Variants in KCNN2 observed in about 807,000 individuals in gnomAD.
The protein encoded by KCNN2 is small conductance calcium-activated potassium channel protein 2.
In KCNN2, 24 loss-of-function variants were observed where a neutral mutation model predicts 55.5. The ratio of observed to expected loss-of-function variants is 0.43; its 90% CI spans 0.31 to 0.61. KCNN2 has a LOEUF of 0.61. Ranked by LOEUF, KCNN2 falls within the 20% of genes least tolerant of loss-of-function variation. KCNN2 has a pLI of 0.08. For synonymous variants in KCNN2, 431 were observed against 336.1 expected (o/e 1.28, Z -3.09); for missense variants, 754 against 853.6 (o/e 0.88, Z 1.45).
chr5:114,076,804 C>T (rs990326453), intron 1 of KCNN2, among the ~76,000 whole-genome samples: 1 of 152,164 alleles, frequency 6.6e-6, no homozygotes, highest in Admixed American at 6.5e-5. Context: ...AGCGATTCTC[C>T]TGCCTCAGCC....
intron 1 of KCNN2, among the ~76,000 whole-genome samples, chr5:114,110,360 A>G (rs1005117830): frequency 1.3e-5 from 2 of 152,080 alleles, no homozygotes; most frequent in Non-Finnish European, 2.9e-5. Flanking sequence ...CATAGATCTC[A>G]GGACTAAGGT....
At chr5:114,158,478 C>A (rs1183743122) in intron 1 of KCNN2, among the ~76,000 whole-genome samples, 2 of 152,048 alleles carry the variant, frequency 1.3e-5, no homozygotes, top group Non-Finnish European at 2.9e-5. Context: ...ATTGACTTGG[C>A]AATGCAGGCT....
chr5:114,456,698 A>G (rs1760941550), intron 3 of KCNN2, among the ~76,000 whole-genome samples: 1 of 152,272 alleles, frequency 6.6e-6, no homozygotes, highest in Non-Finnish European at 1.5e-5. Context: ...AGGTCAAAAT[A>G]GCAACATTAA....
chr5:114,072,478 A>G (rs1561463358), intron 1 of KCNN2, among the ~76,000 whole-genome samples: 1 of 152,144 alleles, frequency 6.6e-6, no homozygotes, highest in Admixed American at 6.6e-5. Context: ...AATAGACGTT[A>G]TTAGCATATA....
rs1356673882 is a variant in KCNN2 at position 114,272,403 on chromosome 5, ATGT to A, written c.-185+50839_-185+50841del. Reference sequence around the variant, plus strand: ...TGTACATATATACACACATATATGTATGTACATATCTACACACATATGTACGTA... The same window carrying A: ...TGTACATATATACACACATATATGTAACATATCTACACACATATGTACGTA... On this transcript the variant is annotated intron_variant, in intron 2 of 10. Coordinates refer to the KCNN2 transcript ENST00000512097. 3.9e-3 allele frequency among the ~76,000 whole-genome samples: 128 copies of A among 32,936 alleles called. 1 individual carries two copies. The highest frequency in any genetic ancestry group is 1.1e-3 in the Non-Finnish European group (13 of 12,020). 21.6% of individuals were successfully genotyped at this position (32,936 alleles called of 152,430 possible).
At position 114,079,698 on chromosome 5, in the gene KCNN2, G is replaced by A. The variant is rs1239743179; in HGVS notation, c.-271+23198G>A. On this transcript the variant is annotated intron_variant, in intron 1 of 10. Coordinates refer to the KCNN2 transcript ENST00000512097. ...TTGCCTTGGTGTCTGGCACATAGTA[G>A]GCACTTAGTAAGTGTTTAGGAAGTG... 4.6e-5 allele frequency among the ~76,000 whole-genome samples: 7 copies of A among 152,188 alleles called. No homozygotes were observed. The South Asian group carries it at 1.5e-3, about 32-fold the overall frequency.
intron 3 of KCNN2, among the ~76,000 whole-genome samples, chr5:114,418,803 G>C (rs1470151387): frequency 6.6e-6 from 1 of 152,154 alleles, no homozygotes; most frequent in Non-Finnish European, 1.5e-5. Context: ...TAGGAACAGC[G>C]ATCTAGAATT....
chr5:114,457,038 G>A (rs1009863280), intron 3 of KCNN2, among the ~76,000 whole-genome samples: 1 of 152,188 alleles, frequency 6.6e-6, no homozygotes, highest in African/African-American at 2.4e-5. Flanking sequence ...GTCACGGTTT[G>A]GGAGGATTGA....
intron 2 of KCNN2, among the ~76,000 whole-genome samples, chr5:114,224,812 T>C (rs1400867412): frequency 1.3e-5 from 2 of 152,104 alleles, no homozygotes; most frequent in Non-Finnish European, 2.9e-5. Context: ...AGGCTTTGAG[T>C]CCTGATGAGT....
chr5:114,184,377 A>G (rs1192962131), intron 1 of KCNN2, among the ~76,000 whole-genome samples: 1 of 152,212 alleles, frequency 6.6e-6, no homozygotes, highest in African/African-American at 2.4e-5. Context: ...GGGGAAATAA[A>G]GTGACTTAAA....
intron 2 of KCNN2, among the ~76,000 whole-genome samples, chr5:114,265,916 T>C (rs539966680): frequency 6.8e-4 from 103 of 152,224 alleles, no homozygotes; most frequent in Admixed American, 2.1e-3. Flanking sequence ...TTTGGAGAGA[T>C]TGGAGAAGAC....
intron 2 of KCNN2, among the ~76,000 whole-genome samples, chr5:114,357,008 T>C (rs1757305752): frequency 6.6e-6 from 1 of 152,034 alleles, no homozygotes; most frequent in Non-Finnish European, 1.5e-5. Context: ...CCACCAAATA[T>C]TGTAGTTGAC....
At chr5:114,293,275 T>G (rs1322742061) in intron 2 of KCNN2, among the ~76,000 whole-genome samples, 2 of 152,158 alleles carry the variant, frequency 1.3e-5, no homozygotes, top group African/African-American at 2.4e-5. Flanking sequence ...GTGCCAGTTT[T>G]CAAAGGGAAT....
chr5:114,338,775 G>C (rs1428761377), intron 2 of KCNN2, among the ~76,000 whole-genome samples: 1 of 152,180 alleles, frequency 6.6e-6, no homozygotes, highest in Non-Finnish European at 1.5e-5. Context: ...CTGTCCCCAT[G>C]CCCTGCAGCC....
At chr5:114,386,223 A>G (rs1417348692) in intron 2 of KCNN2, among the ~76,000 whole-genome samples, 1 of 151,390 alleles carries the variant, frequency 6.6e-6, no homozygotes, top group Non-Finnish European at 1.5e-5. Context: ...GAGTGGTTAA[A>G]TGACTTGCTC....
intron 5 of KCNN2, among the ~76,000 whole-genome samples, chr5:114,477,026 G>T (rs1761999425): frequency 2.0e-5 from 3 of 152,184 alleles, no homozygotes; most frequent in Admixed American, 2.0e-4. Context: ...TGAATGATTT[G>T]TGAATAATTA....
At chr5:114,188,808 A>G (rs1248981068) in intron 1 of KCNN2, among the ~76,000 whole-genome samples, 1 of 152,164 alleles carries the variant, frequency 6.6e-6, no homozygotes, top group Admixed American at 6.5e-5. Flanking sequence ...AAAGAAGACT[A>G]AAAAAGGAGG....
At chr5:114,410,230 A>G (rs980912644) in intron 3 of KCNN2, among the ~76,000 whole-genome samples, 3 of 152,184 alleles carry the variant, frequency 2.0e-5, no homozygotes, top group African/African-American at 4.8e-5. Flanking sequence ...GAATTATCCA[A>G]TCCTGACTTG....
intron 1 of KCNN2, among the ~76,000 whole-genome samples, chr5:114,133,822 A>T (rs1752116788): frequency 6.6e-6 from 1 of 152,232 alleles, no homozygotes. Context: ...ATCTTTACCA[A>T]GTAAGGAGTC....
Sources: allele counts gnomAD v4.1 joint callset (sites outside exome capture counted in the v4.1 genomes callset), GRCh38; gene constraint gnomAD v4.1.1; transcripts MANE v1.5; gene names NCBI Gene and HGNC (gene_info 2026-07-23, HGNC 2026-07-21).